SORD: variants seen among roughly 807,000 people sequenced by gnomAD.
SORD encodes (R,R)-butanediol dehydrogenase.
In SORD, 18 loss-of-function variants were observed where a neutral mutation model predicts 35.6. That is an observed-to-expected ratio of 0.51 (90% CI 0.35 to 0.75). The LOEUF (loss-of-function observed/expected upper bound fraction) is 0.75. SORD is among the 30% of genes least tolerant of loss of function. The pLI, the probability that SORD is intolerant of heterozygous loss-of-function variation, is 0.01. For missense variants in SORD, 250 were observed against 390.2 expected, an observed-to-expected ratio of 0.64 and a Z score of 3.03; for synonymous variants, 106 against 152.9, an observed-to-expected ratio of 0.69 and a Z score of 2.26.
intron 1 of SORD, among the ~76,000 whole-genome samples, chr15:45,039,922 C>T (rs911809375): frequency 2.0e-5 from 3 of 152,132 alleles, no homozygotes; most frequent in Admixed American, 6.5e-5. Flanking sequence ...GATCTAGAAA[C>T]CCAAAGATCC....
In SORD at chr15:45,061,323, A is replaced by C. The variant is rs372279140; in HGVS notation, c.425+97A>C. 9.2e-4 allele frequency: 1,259 copies of C among 1,362,070 alleles called. 1 individual carries two copies. The highest frequency in any genetic ancestry group is 1.8e-3 in the East Asian group (78 of 43,184). The allele number at this position is 1,362,070 out of a possible 1,614,324, so 84.4% of individuals were successfully genotyped here. A position where few individuals can be genotyped will look rare whatever the true frequency, so the allele number is the denominator to read the frequency against. Reference sequence around the variant, plus strand: ...GTTATTTCTTTATTCTTTTCAGCTCATAATTCCAAACATGAGGCATCACCT... The same window carrying C: ...GTTATTTCTTTATTCTTTTCAGCTCCTAATTCCAAACATGAGGCATCACCT... On this transcript the variant is annotated intron_variant, in intron 4 of 8. Coordinates refer to ENST00000267814, the MANE Select transcript of SORD (RefSeq NM_003104.6).
At chr15:45,069,348 G>A (rs548871146) in intron 7 of SORD, among the ~76,000 whole-genome samples, 3 of 151,306 alleles carry the variant, frequency 2.0e-5, no homozygotes, top group South Asian at 2.1e-4. Flanking sequence ...CTGGGACTAC[G>A]GGCGCCTGCC....
At chr15:45,060,346 T>A (rs1299867978) in intron 3 of SORD, among the ~76,000 whole-genome samples, 2 of 152,176 alleles carry the variant, frequency 1.3e-5, no homozygotes, top group Non-Finnish European at 2.9e-5. Flanking sequence ...AAATTCTTCA[T>A]AATAAAAAGA....
chr15:45,027,647 A>G (rs1416045768), intron 1 of SORD, among the ~76,000 whole-genome samples: 1 of 152,276 alleles, frequency 6.6e-6, no homozygotes, highest in African/African-American at 2.4e-5. Flanking sequence ...CCAGGCAATA[A>G]TCTTGCTTTC....
intron 1 of SORD, among the ~76,000 whole-genome samples, chr15:45,030,510 A>G (rs1434130870): frequency 6.6e-6 from 1 of 152,236 alleles, no homozygotes; most frequent in Middle Eastern, 3.2e-3. Context: ...GCAAAGTAAT[A>G]TTCAACTCAA....
chr15:45,034,241 A>G (rs183466349), intron 1 of SORD, among the ~76,000 whole-genome samples: 1 of 152,118 alleles, frequency 6.6e-6, no homozygotes, highest in East Asian at 1.9e-4. Context: ...TTACATAACT[A>G]CCCTGAGGTC....
intron 1 of SORD, among the ~76,000 whole-genome samples, chr15:45,037,211 T>C (rs1595497274): frequency 6.6e-6 from 1 of 152,240 alleles, no homozygotes; most frequent in South Asian, 2.1e-4. Flanking sequence ...ATCAAGCGTG[T>C]TCTGCTACAG....
At chr15:45,029,101 A>G (rs202100278) in intron 1 of SORD, among the ~76,000 whole-genome samples, 2 of 152,330 alleles carry the variant, frequency 1.3e-5, no homozygotes, top group Admixed American at 1.3e-4. Flanking sequence ...GAATGTGAAA[A>G]TCCTCCAGAA....
At chr15:45,039,825 C>A (rs1256819106) in intron 1 of SORD, among the ~76,000 whole-genome samples, 1 of 152,206 alleles carries the variant, frequency 6.6e-6, no homozygotes, top group Non-Finnish European at 1.5e-5. Context: ...ACGCCTGCAT[C>A]CTTTCCCTGG....
At chr15:45,070,979 C>T (rs1048196238) in intron 7 of SORD, among the ~76,000 whole-genome samples, 19 of 152,166 alleles carry the variant, frequency 1.2e-4, no homozygotes, top group Non-Finnish European at 2.5e-4. Context: ...TCACGCATGA[C>T]GGGTGCTGTA....
intron 4 of SORD, among the ~76,000 whole-genome samples, chr15:45,062,392 G>A (rs1439171818): frequency 5.9e-5 from 9 of 152,316 alleles, no homozygotes; most frequent in East Asian, 5.8e-4. Context: ...GGCCCCAGCC[G>A]TGGAGCTCTA....
chr15:45,034,694 G>A (rs1192496231), intron 1 of SORD, among the ~76,000 whole-genome samples: 1 of 152,130 alleles, frequency 6.6e-6, no homozygotes, highest in Non-Finnish European at 1.5e-5. Context: ...AGCCCTCTTC[G>A]CTCTCCGCGC....
In SORD at chr15:45,040,396, T is replaced by C. The variant is rs768940750; in HGVS notation, c.67-12T>C. The C allele has an allele frequency of 3.4e-6, 5 of 1,476,358 alleles. No homozygotes were observed. In the Admixed American group the frequency reaches 8.6e-5, roughly 25 times the overall value. The allele number at this position is 1,476,358 out of a possible 1,614,324, so 91.5% of individuals were successfully genotyped here. ...GCATGCTAAATGATTTTTTCAATTT[T>C]GTTTCTTTTAGGAGAACTATCCTAT... On this transcript the variant is annotated splice_polypyrimidine_tract_variant and intron_variant, in intron 1 of 8. Transcript: ENST00000267814.
chr15:45,052,644 G>A (rs1343394177), intron 3 of SORD, among the ~76,000 whole-genome samples: 1 of 152,274 alleles, frequency 6.6e-6, no homozygotes, highest in Non-Finnish European at 1.5e-5. Flanking sequence ...AAAGAAAATT[G>A]TCTCATAGAG....
chr15:45,036,439 C>A (rs1892867751), intron 1 of SORD: 1 of 434,592 alleles, frequency 2.3e-6, no homozygotes, highest in African/African-American at 2.0e-5. Flanking sequence ...CGCCTGTAAT[C>A]CCAGCACTTT....
intron 1 of SORD, among the ~76,000 whole-genome samples, chr15:45,029,443 C>CGGCT (rs1892734832): frequency 2.6e-5 from 4 of 151,554 alleles, no homozygotes; most frequent in Non-Finnish European, 5.9e-5. Context: ...GTGCGGGATC[C>CGGCT]AGCCAGCTGC....
chr15:45,068,009 T>C (rs979040400), intron 5 of SORD, among the ~76,000 whole-genome samples, 172 bp from the exon 6 acceptor site: 1 of 152,192 alleles, frequency 6.6e-6, no homozygotes, highest in Non-Finnish European at 1.5e-5. Context: ...TAATTCTTCA[T>C]GGATTTATTC....
intron 1 of SORD, among the ~76,000 whole-genome samples, chr15:45,030,696 G>A (rs1190370649): frequency 6.6e-6 from 1 of 152,228 alleles, no homozygotes; most frequent in Non-Finnish European, 1.5e-5. Flanking sequence ...TTTGAATTAG[G>A]AGGAAATTTT....
intron 3 of SORD, among the ~76,000 whole-genome samples, chr15:45,056,563 C>A (rs111622486): frequency 0.027 from 4,104 of 152,230 alleles, 108 homozygotes; most frequent in South Asian, 0.11. Context: ...CATACTGCCC[C>A]AGGTAACTTA....
Sources: gnomAD v4.1 joint callset for allele counts (sites outside exome capture counted in the v4.1 genomes callset) on GRCh38, gnomAD v4.1.1 for gene constraint, MANE v1.5 for transcripts, NCBI Gene and HGNC (gene_info 2026-07-23, HGNC 2026-07-21) for gene names.